INPP4B: variants seen among roughly 807,000 people sequenced by gnomAD.
INPP4B encodes inositol polyphosphate-4-phosphatase type II B.
INPP4B carries 55 observed loss-of-function variants against 122.5 expected under a neutral mutation model. That is an observed-to-expected ratio of 0.45 (90% confidence interval 0.36 to 0.56). The LOEUF (loss-of-function observed/expected upper bound fraction) is 0.56, where lower values mean the gene tolerates loss of function less well. INPP4B is among the 20% of genes least tolerant of loss of function. The pLI, the probability that INPP4B is intolerant of heterozygous loss-of-function variation, is 0.00. For missense variants in INPP4B, 1,000 were observed against 1,097.7 expected, an observed-to-expected ratio of 0.91 and a Z score of 1.26; for synonymous variants, 403 against 388.7, an observed-to-expected ratio of 1.04 and a Z score of -0.43.
rs66773597 is a variant in INPP4B, at chr4:142,568,153, C to CT, written c.-190-105428dup. 7.4e-3 allele frequency among the ~76,000 whole-genome samples: 1,104 copies of CT among 148,956 alleles called. 17 individuals are homozygous for CT. The highest frequency in any genetic ancestry group is 0.026 in the African/African-American group (1,060 of 40,490). ...TCCCCTTTTCCTTTCTTTTTTTATT[C>CT]TTTTTTTTTTTTCCACTTGCTGCTG... On this transcript the variant is annotated intron_variant, in intron 2 of 25. Transcript: ENST00000262992.
chr4:142,738,592 A>C (rs976390967), intron 1 of INPP4B, among the ~76,000 whole-genome samples: 2 of 148,530 alleles, frequency 1.3e-5, no homozygotes, highest in Admixed American at 1.4e-4. Flanking sequence ...ACTGTACCCT[A>C]AAACTTAAAG....
At chr4:142,034,720 T>G (rs962270024) in intron 25 of INPP4B, among the ~76,000 whole-genome samples, 1 of 152,146 alleles carries the variant, frequency 6.6e-6, no homozygotes, top group Non-Finnish European at 1.5e-5. Flanking sequence ...TGTTTTATGA[T>G]GTCCTCTGCT....
chr4:142,342,571 C>T (rs1434606323), intron 7 of INPP4B, among the ~76,000 whole-genome samples: 1 of 152,152 alleles, frequency 6.6e-6, no homozygotes, highest in African/African-American at 2.4e-5. Context: ...AGAATCTTAG[C>T]TTCAGCCACA....
intron 2 of INPP4B, among the ~76,000 whole-genome samples, chr4:142,520,259 A>T (rs1825911652): frequency 6.6e-6 from 1 of 152,022 alleles, no homozygotes; most frequent in African/African-American, 2.4e-5. Flanking sequence ...ATGGTATAAA[A>T]GGTAATCATT....
intron 21 of INPP4B, among the ~76,000 whole-genome samples, chr4:142,116,258 CAGAA>C (rs1158894922): frequency 6.6e-6 from 1 of 152,102 alleles, no homozygotes; most frequent in African/African-American, 2.4e-5. Context: ...ATCAAGGAGA[CAGAA>C]AGTTAACAAG....
chr4:142,249,642 T>A (rs1310228385), intron 11 of INPP4B, among the ~76,000 whole-genome samples: 2 of 152,216 alleles, frequency 1.3e-5, no homozygotes, highest in Non-Finnish European at 2.9e-5. Context: ...TAGGTTAATT[T>A]GGTCATTTTA....
rs1038698060 is a variant in INPP4B, at chr4:142,549,425, C to T, written c.-190-86699G>A. ...GATTTAGGAGAGTGATCTAACCTGG[C>T]TCCCCAGTCAAGGAGTCTAACCAAA... On this transcript the variant is annotated intron_variant, in intron 2 of 25. Coordinates refer to ENST00000262992, the MANE Select transcript of INPP4B (RefSeq NM_001101669.3). 2.0e-5 allele frequency among the ~76,000 whole-genome samples: 3 copies of T among 152,060 alleles called. No individual in the cohort carries two copies. The East Asian group carries it at 5.8e-4, about 29-fold the overall frequency.
At chr4:142,808,146 A>G (rs969636973) in intron 1 of INPP4B, among the ~76,000 whole-genome samples, 9 of 152,134 alleles carry the variant, frequency 5.9e-5, no homozygotes, top group Non-Finnish European at 8.8e-5. Flanking sequence ...AAAGAAAAAC[A>G]AGCCATCCAT....
At chr4:142,716,953 C>T (rs1358350018) in intron 2 of INPP4B, among the ~76,000 whole-genome samples, 1 of 152,180 alleles carries the variant, frequency 6.6e-6, no homozygotes, top group East Asian at 1.9e-4. Context: ...ATAAGTAAAA[C>T]CTCTAATTCA....
At chr4:142,242,817 C>G (rs989014285) in intron 11 of INPP4B, among the ~76,000 whole-genome samples, 1 of 152,170 alleles carries the variant, frequency 6.6e-6, no homozygotes, top group African/African-American at 2.4e-5. Context: ...TTGGTTCTTA[C>G]CAACTGTACT....
chr4:142,747,279 A>G (rs1768904504), intron 1 of INPP4B, among the ~76,000 whole-genome samples: 1 of 152,218 alleles, frequency 6.6e-6, no homozygotes, highest in Non-Finnish European at 1.5e-5. Context: ...AAAGCTCATC[A>G]TCACTGGTCA....
At chr4:142,047,485 A>G (rs187206843) in intron 25 of INPP4B, among the ~76,000 whole-genome samples, 1 of 152,204 alleles carries the variant, frequency 6.6e-6, no homozygotes, top group East Asian at 1.9e-4. Context: ...AGGCACCCTT[A>G]GAGATCACCT....
intron 9 of INPP4B, among the ~76,000 whole-genome samples, chr4:142,292,672 T>A (rs111896395): frequency 2.8e-4 from 42 of 152,322 alleles, no homozygotes; most frequent in African/African-American, 9.1e-4. Flanking sequence ...CATCAATGGA[T>A]AGATGAGGAT....
intron 8 of INPP4B, among the ~76,000 whole-genome samples, chr4:142,307,151 G>A (rs1006056024): frequency 6.6e-6 from 1 of 152,168 alleles, no homozygotes; most frequent in Non-Finnish European, 1.5e-5. Context: ...TTTGTGAGCT[G>A]TATCAGCAAA....
At chr4:142,306,990 C>A (rs1233884975) in intron 8 of INPP4B, among the ~76,000 whole-genome samples, 1 of 152,124 alleles carries the variant, frequency 6.6e-6, no homozygotes, top group Non-Finnish European at 1.5e-5. Flanking sequence ...AATTCAAAGA[C>A]CTGGTTTAGA....
chr4:142,604,537 T>C (rs1740799747), intron 2 of INPP4B, among the ~76,000 whole-genome samples: 1 of 152,058 alleles, frequency 6.6e-6, no homozygotes, highest in Non-Finnish European at 1.5e-5. Context: ...TTGCAGGATG[T>C]AAAATCAATG....
intron 18 of INPP4B, among the ~76,000 whole-genome samples, chr4:142,143,858 A>G (rs1449290276): frequency 3.9e-5 from 6 of 152,076 alleles, no homozygotes; most frequent in African/African-American, 1.4e-4. Context: ...GTTCTGGAGA[A>G]TGGTTATGAG....
intron 12 of INPP4B, among the ~76,000 whole-genome samples, chr4:142,216,809 C>T (rs1450396479): frequency 3.3e-5 from 5 of 151,926 alleles, no homozygotes; most frequent in Admixed American, 2.6e-4. Context: ...ACAAAACAAC[C>T]CTGTGAAGAA....
Position 142,472,729 on chromosome 4 carries a change from T to G in INPP4B, c.-190-10003A>C, listed in dbSNP as rs1819101225. On this transcript the variant is annotated intron_variant, in intron 2 of 25. Coordinates refer to ENST00000262992, the MANE Select transcript of INPP4B (RefSeq NM_001101669.3). ...TGTTTCTCCAAAGCAAAGATGTGAA[T>G]TACTAAATCAGAGGCACTGTATCTC... is the stretch of plus-strand genomic sequence containing the variant. Among the ~76,000 whole-genome samples the G allele has an allele frequency of 2.0e-5, 3 of 152,176 alleles. No individual in the cohort carries two copies. In the South Asian group the frequency reaches 6.2e-4, roughly 31 times the overall value.
Sources: allele counts gnomAD v4.1 joint callset (sites outside exome capture counted in the v4.1 genomes callset), GRCh38; gene constraint gnomAD v4.1.1; transcripts MANE v1.5; gene names NCBI Gene and HGNC (gene_info 2026-07-23, HGNC 2026-07-21).